METTL17: variants seen among roughly 807,000 people sequenced by gnomAD.
METTL17 encodes the protein ribosome assembly protein METTL17, mitochondrial.
A neutral mutation model predicts 59.4 loss-of-function variants in METTL17; 49 were observed. The ratio of observed to expected loss-of-function variants is 0.82; its 90% CI spans 0.66 to 1.05. METTL17 has a LOEUF of 1.05. METTL17 is among the 50% of genes least tolerant of loss of function. METTL17 has a pLI of 0.00. For missense variants in METTL17, 555 were observed against 578.4 expected (o/e 0.96, Z 0.41); for synonymous variants, 208 against 209.2 (o/e 0.99, Z 0.05).
chr14:20,991,067 A>T (rs2771345), intron 3 of METTL17, among the ~76,000 whole-genome samples: 47,427 of 151,970 alleles, frequency 0.31, 7,446 homozygotes, highest in Middle Eastern at 0.44. Context: ...ACCTCAGGTG[A>T]TCCGCCCACC....
chr14:20,993,528 T>C, intron 6 of METTL17: 1 of 278,916 alleles, frequency 3.6e-6, no homozygotes, highest in South Asian at 5.4e-5. Flanking sequence ...CAGGCTGGAG[T>C]GCAGTGGCAC....
At chr14:20,991,136 A>G (rs141071345) in intron 3 of METTL17, among the ~76,000 whole-genome samples, 533 of 152,090 alleles carry the variant, frequency 3.5e-3, no homozygotes, top group African/African-American at 9.4e-3. Flanking sequence ...CTACCAATAT[A>G]CTGTTAAAAT....
Position 20,995,926 on chromosome 14 carries a change from C to G in METTL17, c.971C>G (p.Pro324Arg), listed in dbSNP as rs374333448. The change falls in exon 11 of 14, where the codon CCT (proline) becomes CGT (arginine). Residue 324 changes from proline (P) to arginine (R), a missense_variant. Pro to Arg is a moderately radical substitution (Grantham distance 103). Coordinates refer to ENST00000339374, the MANE Select transcript of METTL17 (RefSeq NM_022734.3). The part of the protein sequence containing the change: ...LKGKEKSPLD[P>R]RPGFVFAPCP... The stretch of plus-strand genomic sequence containing the variant: ...GGAAAAGAGAAGTCACCTTTGGACC[C>G]TCGACCTGGTTTTGTCTTTGCCCCG... 1 of 1,614,148 alleles carries G rather than the reference C, an allele frequency of 6.2e-7. No homozygotes were observed. Among genetic ancestry groups the G allele is most frequent in the Non-Finnish European group, 8.5e-7 (1 of 1,180,032 alleles).
At chr14:20,992,515 G>A (rs376689151) in intron 4 of METTL17, 26 bp from the exon 5 acceptor site, 8 of 1,565,748 alleles carry the variant, frequency 5.1e-6, no homozygotes, top group Non-Finnish European at 6.2e-6. Flanking sequence ...TTACTAGTAT[G>A]TACAACTCTG....
Position 20,996,608 on chromosome 14 carries a change from A to G in METTL17, c.1162A>G (p.Ile388Val). ...AGAGGAGGCTCATCGCTGGCCCCGT[A>G]TCACTCAGCCTGTCCTTAAACGGCC... ...SPEEAHRWPR[I>V]TQPVLKRPRH... Residue 388 changes from isoleucine (I) to valine (V), a missense_variant, in exon 13 of 14, where the codon ATC becomes GTC. By Grantham distance (29) the Ile-to-Val change is conservative. Coordinates refer to ENST00000339374, the MANE Select transcript of METTL17 (RefSeq NM_022734.3). 1 of 1,614,242 alleles carries G rather than the reference A, an allele frequency of 6.2e-7. No individual in the cohort carries two copies. The highest frequency in any genetic ancestry group is 8.5e-7 in the Non-Finnish European group (1 of 1,180,034).
Position 20,996,573 on chromosome 14 carries a change from G to A in METTL17, c.1127G>A (p.Arg376Gln), listed in dbSNP as rs755005939. 1.5e-5 allele frequency: 24 copies of A among 1,614,010 alleles called. No homozygotes were observed. Among genetic ancestry groups the A allele is most frequent in the Non-Finnish European group, 1.9e-5 (23 of 1,180,018 alleles). The stretch of plus-strand genomic sequence containing the variant: ...AAGTTCTCTATGGTGATCCTTGCTC[G>A]GGGGTCTCCAGAGGAGGCTCATCGC... ...EEKFSMVILA[R>Q]GSPEEAHRWP... Residue 376 changes from arginine to glutamine, a missense_variant, in exon 13 of 14, where the codon CGG (arginine) becomes CAG (glutamine). By Grantham distance (43) the Arg-to-Gln change is conservative. Transcript: ENST00000339374.
At position 20,990,224 on chromosome 14, in the gene METTL17, C is replaced by T. The variant is rs1879953820; in HGVS notation, c.76-6C>T. On this transcript the variant is annotated splice_region_variant and splice_polypyrimidine_tract_variant and intron_variant, in intron 1 of 13. Coordinates refer to ENST00000339374, the MANE Select transcript of METTL17 (RefSeq NM_022734.3). Reference sequence around the variant, plus strand: ...AGGAAATCAACCTACCTTTCTCTGCCTGCAGGCGCTCGCCGCCTTAGTACC... The same window carrying T: ...AGGAAATCAACCTACCTTTCTCTGCTTGCAGGCGCTCGCCGCCTTAGTACC... 1.9e-6 allele frequency: 3 copies of T among 1,614,202 alleles called. No individual in the cohort carries two copies. The highest frequency in any genetic ancestry group is 1.3e-5 in the African/African-American group (1 of 75,072).
chr14:20,996,262 A>G lies in METTL17; in HGVS notation c.1050A>G (p.Ser350=). ...TGACCAACCTGGCCTGTAGCTTCTCACAGGCGTACCATCCCATCCCCTTCA... is the reference window on the plus strand; with the variant it reads ...TGACCAACCTGGCCTGTAGCTTCTCGCAGGCGTACCATCCCATCCCCTTCA... ...PQLTNLACSF[S]QAYHPIPFSW... is the part of the protein sequence containing the mutation. The change falls in exon 12 of 14, where the codon TCA becomes TCG. Residue 350 remains serine (S), a synonymous_variant. Coordinates refer to ENST00000339374, the MANE Select transcript of METTL17 (RefSeq NM_022734.3). 7 of 1,613,570 alleles carry G rather than the reference A, an allele frequency of 4.3e-6. No homozygotes were observed. The highest frequency in any genetic ancestry group is 5.9e-6 in the Non-Finnish European group (7 of 1,179,574).
At position 20,994,898 on chromosome 14, in the gene METTL17, C is replaced by A. The variant is rs751665077; in HGVS notation, c.873C>A (p.Phe291Leu). The stretch of plus-strand genomic sequence containing the variant: ...CCTTATGGCGTAAGACAGGTCATTT[C>A]CTGGTGAGTTAAAATTCCTTGTTCT... ...VQTLWRKTGH[F>L]LVLVENGTKA... Residue 291 changes from phenylalanine (F) to leucine (L), a missense_variant, in exon 9 of 14, where the codon TTC becomes TTA. Coordinates refer to ENST00000339374, the MANE Select transcript of METTL17 (RefSeq NM_022734.3). 6 of 1,611,586 alleles carry A rather than the reference C, an allele frequency of 3.7e-6. No homozygotes were observed. In the Admixed American group the frequency reaches 6.7e-5, roughly 18 times the overall value.
chr14:20,996,243 A>G lies in METTL17; in HGVS notation c.1031A>G (p.Asn344Ser), dbSNP rs138115606. Residue 344 changes from asparagine to serine, a missense_variant, in exon 12 of 14, where the codon AAC (asparagine) becomes AGC (serine). By Grantham distance (46) the Asn-to-Ser change is conservative. Coordinates refer to ENST00000339374, the MANE Select transcript of METTL17 (RefSeq NM_022734.3). ...PHELPCPQLT[N>S]LACSFSQAYH... is the part of the protein sequence containing the mutation. ...GAACTCCCTTGTCCCCAGTTGACCA[A>G]CCTGGCCTGTAGCTTCTCACAGGCG... 15 of 1,614,088 alleles carry G rather than the reference A, an allele frequency of 9.3e-6. No individual in the cohort carries two copies. Among genetic ancestry groups the G allele is most frequent in the Middle Eastern group, 1.6e-4 (1 of 6,062 alleles).
intron 4 of METTL17, 136 bp downstream of exon 4, chr14:20,992,341 A>C (rs1880075590): frequency 1.3e-6 from 1 of 744,452 alleles, no homozygotes; most frequent in Admixed American, 3.0e-5. Flanking sequence ...TTAGTATTTG[A>C]AAAAGCTAAA....
intron 5 of METTL17, 176 bp from the exon 6 acceptor site, chr14:20,992,942 C>A: frequency 1.6e-6 from 1 of 631,406 alleles, no homozygotes; most frequent in Non-Finnish European, 2.8e-6. Flanking sequence ...TTTCTGTGAC[C>A]CAAGAAAGGT....
chr14:20,993,557 C>T (rs1013874021), intron 6 of METTL17: 16 of 249,514 alleles, frequency 6.4e-5, no homozygotes, highest in Non-Finnish European at 6.1e-5. Flanking sequence ...CTCACTGCAG[C>T]CTCCACTCCT....
Position 20,990,030 on chromosome 14 carries a change from A to T in METTL17, c.28A>T (p.Thr10Ser). ...GGCGGCGGCACTGAAGTGTCTACTG[A>T]CATTAGGAAGATGGTGCCCCGGCCT... MAAALKCLL[T>S]LGRWCPGLGV... The change falls in exon 1 of 14, where the codon ACA becomes TCA. Residue 10 changes from threonine to serine, a missense_variant. By Grantham distance (58) the Thr-to-Ser change is moderately conservative (BLOSUM62 1). Coordinates refer to ENST00000339374, the MANE Select transcript of METTL17 (RefSeq NM_022734.3). The T allele has an allele frequency of 1.2e-6, 2 of 1,612,602 alleles. No homozygotes were observed. The highest frequency in any genetic ancestry group is 1.7e-6 in the Non-Finnish European group (2 of 1,179,520).
intron 10 of METTL17, 112 bp downstream of exon 10, chr14:20,995,345 G>T: frequency 1.1e-6 from 1 of 926,660 alleles, no homozygotes; most frequent in Non-Finnish European, 1.7e-6. Flanking sequence ...CAGGAAACTG[G>T]GCGTATGAAG....
chr14:20,990,352 A>G lies in METTL17; in HGVS notation c.198A>G (p.Ala66=). The G allele has an allele frequency of 5.6e-6, 9 of 1,614,246 alleles. No individual in the cohort carries two copies. The highest frequency in any genetic ancestry group is 7.6e-6 in the Non-Finnish European group (9 of 1,180,040). ...TGCCGCACGTGCGGCTGCCACAGGC[A>G]CTGGCTAACGGTGCCCAGTTATTGC... ...LKLPHVRLPQ[A]LANGAQLLLL... The change falls in exon 2 of 14, where the codon GCA becomes GCG. Residue 66 remains alanine (A), a synonymous_variant. Transcript: ENST00000339374.
intron 10 of METTL17, 40 bp downstream of exon 10, chr14:20,995,273 A>T: frequency 6.6e-7 from 1 of 1,504,498 alleles, no homozygotes; most frequent in Non-Finnish European, 9.2e-7. Flanking sequence ...CCCATATGGC[A>T]CCAATTACTG....
Position 20,996,268 on chromosome 14 carries a change from G to C in METTL17, c.1056G>C (p.Ala352=), listed in dbSNP as rs138028455. The C allele has an allele frequency of 6.2e-7, 1 of 1,614,036 alleles. No individual in the cohort carries two copies. The highest frequency in any genetic ancestry group is 2.2e-5 in the East Asian group (1 of 44,886). Residue 352 remains alanine, a synonymous_variant, in exon 12 of 14, where the codon GCG becomes GCC. Coordinates refer to ENST00000339374, the MANE Select transcript of METTL17 (RefSeq NM_022734.3). The stretch of plus-strand genomic sequence containing the variant: ...ACCTGGCCTGTAGCTTCTCACAGGC[G>C]TACCATCCCATCCCCTTCAGCTGGG... The part of the protein sequence containing the change: ...LTNLACSFSQ[A]YHPIPFSWNK...
At chr14:20,995,519 C>T (rs1437135109) in intron 10 of METTL17, among the ~76,000 whole-genome samples, 1 of 152,172 alleles carries the variant, frequency 6.6e-6, no homozygotes, top group Non-Finnish European at 1.5e-5. Flanking sequence ...ATAGATTTTG[C>T]CTACTCTCTG....
Sources: allele counts gnomAD v4.1 joint callset (sites outside exome capture counted in the v4.1 genomes callset), GRCh38; gene constraint gnomAD v4.1.1; transcripts MANE v1.5; gene names NCBI Gene and HGNC (gene_info 2026-07-23, HGNC 2026-07-21).